Variants in PLCL2 observed in about 807,000 individuals in gnomAD.
The protein encoded by PLCL2 is phospholipase C like 2.
Under a neutral mutation model 79.6 loss-of-function variants are expected in PLCL2, and 4 were observed. The ratio of observed to expected loss-of-function variants is 0.05; its 90% confidence interval spans 0.02 to 0.11. The LOEUF (loss-of-function observed/expected upper bound fraction) is 0.11, where lower values mean the gene tolerates loss of function less well. PLCL2 is among the 10% of genes least tolerant of loss of function. The pLI, the probability that PLCL2 is intolerant of heterozygous loss-of-function variation, is 1.00. For missense variants in PLCL2, 895 were observed against 1,291.0 expected (o/e 0.69, Z 4.70); for synonymous variants, 484 against 457.7 (o/e 1.06, Z -0.73).
At chr3:16,973,608 G>GAACC (rs1446573053) in intron 1 of PLCL2, among the ~76,000 whole-genome samples, 1 of 152,186 alleles carries the variant, frequency 6.6e-6, no homozygotes, top group Non-Finnish European at 1.5e-5. Context: ...AAAACACTGA[G>GAACC]AACCCTACAG....
intron 2 of PLCL2, among the ~76,000 whole-genome samples, chr3:17,013,387 T>C (rs1447250816): frequency 6.6e-6 from 1 of 152,198 alleles, no homozygotes; most frequent in African/African-American, 2.4e-5. Context: ...TGCCTGCCTT[T>C]AAGGGGCTTG....
At chr3:16,963,635 C>A (rs561026762) in intron 1 of PLCL2, among the ~76,000 whole-genome samples, 44 of 152,186 alleles carry the variant, frequency 2.9e-4, no homozygotes, top group African/African-American at 1.0e-3. Flanking sequence ...TCTTATTTAA[C>A]CCCCAGCATA....
intron 1 of PLCL2, among the ~76,000 whole-genome samples, chr3:16,954,746 G>T (rs1251747705): frequency 1.3e-5 from 2 of 152,176 alleles, no homozygotes; most frequent in Non-Finnish European, 2.9e-5. Context: ...GTATCTCATT[G>T]TGGTTTTAAT....
chr3:17,065,752 A>C (rs975507753), intron 4 of PLCL2, among the ~76,000 whole-genome samples: 1 of 152,190 alleles, frequency 6.6e-6, no homozygotes, highest in African/African-American at 2.4e-5. Context: ...TGCGTTAGTT[A>C]ACATCACTTG....
At chr3:17,075,477 A>T (rs1326526320) in intron 5 of PLCL2, among the ~76,000 whole-genome samples, 1 of 152,084 alleles carries the variant, frequency 6.6e-6, no homozygotes, top group Non-Finnish European at 1.5e-5. Flanking sequence ...CACAAAGTGA[A>T]CACATGCTGT....
At chr3:17,045,535 T>C (rs1236363081) in intron 4 of PLCL2, among the ~76,000 whole-genome samples, 1 of 152,024 alleles carries the variant, frequency 6.6e-6, no homozygotes, top group East Asian at 1.9e-4. Context: ...ATCCCAGCAG[T>C]GGAGGACCCA....
At chr3:17,048,411 A>G (rs1255661793) in intron 4 of PLCL2, among the ~76,000 whole-genome samples, 1 of 152,196 alleles carries the variant, frequency 6.6e-6, no homozygotes, top group Non-Finnish European at 1.5e-5. Context: ...ATATCAAAAA[A>G]TTTAAGAAAA....
chr3:16,924,477 G>A (rs1014713337), intron 1 of PLCL2, among the ~76,000 whole-genome samples: 4 of 152,098 alleles, frequency 2.6e-5, no homozygotes, highest in Non-Finnish European at 5.9e-5. Context: ...TGTATATGTC[G>A]AAACATATTT....
At chr3:16,998,541 C>G (rs755548897) in intron 1 of PLCL2, among the ~76,000 whole-genome samples, 1 of 152,172 alleles carries the variant, frequency 6.6e-6, no homozygotes. Context: ...AATGTATTAA[C>G]ATCATTATTT....
intron 3 of PLCL2, among the ~76,000 whole-genome samples, chr3:17,031,482 G>T (rs1038272223): frequency 6.6e-6 from 1 of 152,138 alleles, no homozygotes; most frequent in African/African-American, 2.4e-5. Flanking sequence ...TGCTGTCTGG[G>T]ATGGGATAAG....
At chr3:16,976,326 G>A (rs1559505068) in intron 1 of PLCL2, among the ~76,000 whole-genome samples, 2 of 152,058 alleles carry the variant, frequency 1.3e-5, no homozygotes, top group Admixed American at 6.6e-5. Flanking sequence ...AGGGAAAGTT[G>A]GCAACAGCCT....
intron 1 of PLCL2, among the ~76,000 whole-genome samples, chr3:16,888,302 A>G (rs1272040532): frequency 6.6e-6 from 1 of 152,216 alleles, no homozygotes; most frequent in Non-Finnish European, 1.5e-5. Flanking sequence ...AATTGTTGTA[A>G]AACAATATTT....
chr3:17,024,761 CCTT>C (rs145001074), intron 3 of PLCL2, among the ~76,000 whole-genome samples: 3,196 of 152,244 alleles, frequency 0.021, 55 homozygotes, highest in South Asian at 0.044. Flanking sequence ...CATTCAGCCT[CCTT>C]CTCCCTTTGA....
At position 17,041,672 on chromosome 3, in the gene PLCL2, G is replaced by A. The variant is rs191907922; in HGVS notation, c.3019-1202G>A. On this transcript the variant is annotated intron_variant, in intron 3 of 5. Coordinates refer to ENST00000615277, the MANE Select transcript of PLCL2 (RefSeq NM_001144382.2). Reference sequence around the variant, plus strand: ...AAGAAAAATAAGGCAGGCCAGGTGCGGTGGCTTATGCCTGTAATGCCAGCA... The same window carrying A: ...AAGAAAAATAAGGCAGGCCAGGTGCAGTGGCTTATGCCTGTAATGCCAGCA... 2.2e-3 allele frequency among the ~76,000 whole-genome samples: 335 copies of A among 152,250 alleles called. 1 individual carries two copies. Among genetic ancestry groups the A allele is most frequent in the African/African-American group, 5.8e-3 (242 of 41,560 alleles).
intron 1 of PLCL2, among the ~76,000 whole-genome samples, chr3:16,929,799 G>A (rs1003664744): frequency 6.6e-6 from 1 of 152,210 alleles, no homozygotes; most frequent in African/African-American, 2.4e-5. Context: ...TATGAAGAAG[G>A]TGCTGCATGC....
chr3:16,966,649 CT>C (rs201838745), intron 1 of PLCL2, among the ~76,000 whole-genome samples: 2 of 150,976 alleles, frequency 1.3e-5, no homozygotes, highest in Admixed American at 6.6e-5. Flanking sequence ...TGGTCCTGGA[CT>C]TTTTTTTTGG....
At chr3:17,013,186 C>T (rs573468869) in intron 2 of PLCL2, among the ~76,000 whole-genome samples, 5 of 152,332 alleles carry the variant, frequency 3.3e-5, no homozygotes, top group African/African-American at 1.2e-4. Flanking sequence ...GCATTGTCCA[C>T]TGCCCAGTGG....
intron 1 of PLCL2, among the ~76,000 whole-genome samples, chr3:16,967,606 A>T (rs1383733922): frequency 6.6e-6 from 1 of 151,780 alleles, no homozygotes; most frequent in African/African-American, 2.4e-5. Flanking sequence ...CTACTTTTTA[A>T]TGGGGTTTTT....
At chr3:16,913,149 T>G (rs1696920407) in intron 1 of PLCL2, among the ~76,000 whole-genome samples, 1 of 152,154 alleles carries the variant, frequency 6.6e-6, no homozygotes, top group Admixed American at 6.5e-5. Flanking sequence ...TCATCAGTAC[T>G]ACTCTAGCAT....
Sources: gnomAD v4.1 joint callset for allele counts (sites outside exome capture counted in the v4.1 genomes callset) on GRCh38, gnomAD v4.1.1 for gene constraint, MANE v1.5 for transcripts, NCBI Gene and HGNC (gene_info 2026-07-23, HGNC 2026-07-21) for gene names.